The following KIFAP3 variants were observed in gnomAD, a reference collection of about 807,000 sequenced individuals.
The protein encoded by KIFAP3 is kinesin-associated protein 3.
In KIFAP3, 68 loss-of-function variants were observed where a neutral mutation model predicts 106.5. The observed-to-expected ratio is 0.64, with a 90% CI of 0.53 to 0.78. The LOEUF is 0.78. Among genes scored for constraint, KIFAP3 ranks in the 30% least tolerant of loss-of-function variants. The pLI, the probability that KIFAP3 is intolerant of heterozygous loss-of-function variation, is 0.00. For missense variants in KIFAP3, 780 were observed against 941.8 expected (o/e 0.83, Z 2.25); for synonymous variants, 320 against 311.5 (o/e 1.03, Z -0.29).
intron 10 of KIFAP3, among the ~76,000 whole-genome samples, chr1:170,009,545 T>C (rs191256148): frequency 9.2e-5 from 14 of 152,270 alleles, no homozygotes; most frequent in Admixed American, 9.2e-4. Context: ...CTTGCTCTTG[T>C]GCTAAAACCA....
At chr1:170,075,284 A>G (rs1376421019), upstream of KIFAP3, among the ~76,000 whole-genome samples, 2 of 152,222 alleles carry the variant, frequency 1.3e-5, no homozygotes, top group East Asian at 3.8e-4. Flanking sequence ...TTTTAACTGC[A>G]TGTTCTCTGG....
intron 10 of KIFAP3, among the ~76,000 whole-genome samples, chr1:170,013,909 C>G (rs1308981796): frequency 6.6e-6 from 1 of 152,170 alleles, no homozygotes; most frequent in African/African-American, 2.4e-5. Flanking sequence ...TATCCCTGTT[C>G]CGTCACACTT....
intron 17 of KIFAP3, among the ~76,000 whole-genome samples, 171 bp downstream of exon 17, chr1:169,972,342 A>G (rs1665966711): frequency 1.3e-5 from 2 of 152,022 alleles, no homozygotes; most frequent in African/African-American, 2.4e-5. Flanking sequence ...ATTGAAAGCT[A>G]AAGAACTTAC....
chr1:169,993,106 C>CA lies in KIFAP3; in HGVS notation c.1184-852_1184-851insT, dbSNP rs1553282627. ...ATAAACTGGTATTTTCTTTTCTGTC[C>CA]TTTTTTTTTTTTTTTTTCAGAGACA... On this transcript the variant is annotated intron_variant, in intron 10 of 19. Transcript: ENST00000361580. Among the ~76,000 whole-genome samples the CA allele has an allele frequency of 6.7e-3, 878 of 130,720 alleles. 51 individuals are homozygous for CA. The East Asian group carries it at 0.13, about 19-fold the overall frequency. The allele number at this position is 130,720 out of a possible 152,430, so 85.8% of individuals were successfully genotyped here. A position where few individuals can be genotyped will look rare whatever the true frequency, so the allele number is the denominator to read the frequency against.
intron 1 of KIFAP3, among the ~76,000 whole-genome samples, chr1:170,083,912 GTTA>G (rs1186367648): frequency 6.6e-6 from 1 of 152,154 alleles, no homozygotes; most frequent in African/African-American, 2.4e-5. Flanking sequence ...AAATGATGAT[GTTA>G]TTATTATTTC....
At chr1:169,948,118 T>A (rs1664536693) in intron 19 of KIFAP3, among the ~76,000 whole-genome samples, 1 of 151,710 alleles carries the variant, frequency 6.6e-6, no homozygotes, top group South Asian at 2.1e-4. Context: ...AGAAATAAAG[T>A]TATAGAGTAA....
At chr1:170,044,291 C>T (rs1639175957) in intron 3 of KIFAP3, among the ~76,000 whole-genome samples, 1 of 152,134 alleles carries the variant, frequency 6.6e-6, no homozygotes. Context: ...ACAAATCTGC[C>T]CTTCAAGCTA....
intron 19 of KIFAP3, among the ~76,000 whole-genome samples, chr1:169,928,705 A>AAAAAAAAAAAAAAAAAAAAAT (rs1663288675): frequency 6.7e-6 from 1 of 148,794 alleles, no homozygotes; most frequent in Non-Finnish European, 1.5e-5. Context: ...TCTCCAAAAA[A>AAAAAAAAAAAAAAAAAAAAAT]AAAAAAAAAA....
At chr1:170,037,890 A>G (rs905086436) in intron 5 of KIFAP3, among the ~76,000 whole-genome samples, 2 of 152,216 alleles carry the variant, frequency 1.3e-5, no homozygotes, top group Non-Finnish European at 2.9e-5. Context: ...AAAGGAAAGC[A>G]AACACTTGAT....
At chr1:170,035,685 T>C in intron 5 of KIFAP3, 132 bp from the exon 6 acceptor site, 6 of 527,972 alleles carry the variant, frequency 1.1e-5, no homozygotes, top group Non-Finnish European at 2.0e-5. Context: ...AGGATGCTTC[T>C]TTCCAATACA....
chr1:169,958,746 G>A (rs1050478032), intron 18 of KIFAP3, among the ~76,000 whole-genome samples: 5 of 151,986 alleles, frequency 3.3e-5, no homozygotes, highest in Non-Finnish European at 5.9e-5. Flanking sequence ...GTAGCAATAC[G>A]GCTTTATAAA....
At chr1:169,963,355 G>A (rs1665434480) in intron 17 of KIFAP3, among the ~76,000 whole-genome samples, 1 of 152,148 alleles carries the variant, frequency 6.6e-6, no homozygotes, top group Non-Finnish European at 1.5e-5. Context: ...GTCTACTGTT[G>A]ATGGGCATTT....
In KIFAP3 at chr1:169,982,825, C is replaced by T. The variant is rs1322722615; in HGVS notation, c.1549G>A (p.Glu517Lys). 4.4e-6 allele frequency: 7 copies of T among 1,604,566 alleles called. No homozygotes were observed. The South Asian group carries it at 7.8e-5, about 18-fold the overall frequency. ...AAACATTCAATCACAAACTCCTCTT[C>T]TTCATCATTAGAGATCTGGGCTGCA... ...DLAAQISNDE[E>K]EEFVIECLGT... Residue 517 changes from glutamate to lysine, a missense_variant, in exon 14 of 20, where the codon GAA becomes AAA. Physicochemically the swap from Glu to Lys is moderately conservative, Grantham distance 56. This residue lies in a region of KIFAP3 where 588 missense variants were observed against 678.9 expected (regional missense o/e 0.87). Coordinates refer to ENST00000361580, the MANE Select transcript of KIFAP3 (RefSeq NM_014970.4).
At chr1:169,947,348 GTAT>G (rs1347787993) in intron 19 of KIFAP3, among the ~76,000 whole-genome samples, 1 of 151,842 alleles carries the variant, frequency 6.6e-6, no homozygotes, top group African/African-American at 2.4e-5. Flanking sequence ...ACAGGACACT[GTAT>G]TATTATCCAA....
chr1:170,028,371 C>T (rs2102034159), intron 8 of KIFAP3, among the ~76,000 whole-genome samples: 1 of 152,180 alleles, frequency 6.6e-6, no homozygotes, highest in African/African-American at 2.4e-5. Flanking sequence ...CGGAGTCTCG[C>T]TCTGTCACCT....
At chr1:169,942,001 A>C (rs766544966) in intron 19 of KIFAP3, among the ~76,000 whole-genome samples, 1 of 150,502 alleles carries the variant, frequency 6.6e-6, no homozygotes, top group Non-Finnish European at 1.5e-5. Flanking sequence ...TATGTTTGTA[A>C]GGACCCATTT....
chr1:169,956,674 G>A (rs1472998599), intron 18 of KIFAP3, among the ~76,000 whole-genome samples: 1 of 148,596 alleles, frequency 6.7e-6, no homozygotes, highest in Non-Finnish European at 1.5e-5. Flanking sequence ...GAGTGCAGCG[G>A]TACAATCACA....
intron 1 of KIFAP3, among the ~76,000 whole-genome samples, chr1:170,063,312 C>G (rs1671277670): frequency 6.6e-6 from 1 of 152,176 alleles, no homozygotes; most frequent in South Asian, 2.1e-4. Context: ...CTTTTGTATT[C>G]TGGACACTGA....
intron 9 of KIFAP3, among the ~76,000 whole-genome samples, chr1:170,017,137 G>C (rs1668561897): frequency 6.6e-6 from 1 of 151,652 alleles, no homozygotes; most frequent in South Asian, 2.1e-4. Context: ...TGCACCTGTA[G>C]TCCCAGCTAC....
Sources: gnomAD v4.1 joint callset for allele counts (sites outside exome capture counted in the v4.1 genomes callset) on GRCh38, gnomAD v4.1.1 for gene constraint, gnomAD v4.1.1 regional missense constraint, MANE v1.5 for transcripts, NCBI Gene and HGNC (gene_info 2026-07-23, HGNC 2026-07-21) for gene names.